The following AACS variants were observed in gnomAD, a reference collection of about 807,000 sequenced individuals.
AACS encodes acetoacetate-CoA ligase.
AACS carries 69 observed loss-of-function variants against 83.1 expected under a neutral mutation model. That is an observed-to-expected ratio of 0.83 (90% CI 0.68 to 1.01). The LOEUF is 1.01. AACS is among the 50% of genes least tolerant of loss of function. The pLI, the probability that AACS is intolerant of heterozygous loss-of-function variation, is 0.00. For missense variants in AACS, 866 were observed against 882.2 expected (o/e 0.98, Z 0.23); for synonymous variants, 333 against 343.4 (o/e 0.97, Z 0.33).
intron 9 of AACS, chr12:125,117,904 A>C (rs1345071312): frequency 6.6e-6 from 1 of 151,232 alleles, no homozygotes; most frequent in Non-Finnish European, 1.5e-5. Flanking sequence ...GGATTACTTG[A>C]GGTTAGGAGG....
At chr12:125,071,385 G>A (rs1594566417) in intron 1 of AACS, among the ~76,000 whole-genome samples, 1 of 152,220 alleles carries the variant, frequency 6.6e-6, no homozygotes, top group Non-Finnish European at 1.5e-5. Context: ...ATTACTGGCT[G>A]ATGACCACAG....
rs540635752 is a variant in AACS, at chr12:125,128,381, C to T, written c.1423+107C>T. On this transcript the variant is annotated intron_variant, in intron 13 of 17. Coordinates refer to ENST00000316519, the MANE Select transcript of AACS (RefSeq NM_023928.5). ...GGACATAGTTCTCCAAAACAGCCCTCGGAGGGGAGGCCCCTGTCACTTGCA... is the reference window on the plus strand; with the variant it reads ...GGACATAGTTCTCCAAAACAGCCCTTGGAGGGGAGGCCCCTGTCACTTGCA... The T allele has an allele frequency of 3.4e-4, 334 of 970,992 alleles. 3 individuals carry two copies. The South Asian group carries it at 4.4e-3, about 13-fold the overall frequency. 60.1% of individuals were successfully genotyped at this position (970,992 alleles called of 1,614,324 possible). A position where few individuals can be genotyped will look rare whatever the true frequency, so the allele number is the denominator to read the frequency against.
At chr12:125,112,373 C>T (rs575821105) in intron 8 of AACS, among the ~76,000 whole-genome samples, 23 of 152,216 alleles carry the variant, frequency 1.5e-4, no homozygotes, top group Non-Finnish European at 2.8e-4. Context: ...AGTCTGTTTT[C>T]ATGCTGCTGA....
chr12:125,096,760 AC>A (rs994191487), intron 5 of AACS, among the ~76,000 whole-genome samples: 2 of 152,096 alleles, frequency 1.3e-5, no homozygotes, highest in East Asian at 3.9e-4. Context: ...AGTTAAGTGG[AC>A]GTGGTGTCTT....
At chr12:125,104,004 A>AG in intron 7 of AACS, among the ~76,000 whole-genome samples, 1 of 138,444 alleles carries the variant, frequency 7.2e-6, no homozygotes, top group East Asian at 2.4e-4. Flanking sequence ...AAAAAAAAAA[A>AG]AAAAAAAAAA....
rs547934016 is a variant in AACS at position 125,097,698 on chromosome 12, T to C, written c.571-4981T>C. Among the ~76,000 whole-genome samples the C allele has an allele frequency of 6.6e-6, 1 of 152,112 alleles. No homozygotes were observed. Among genetic ancestry groups the C allele is most frequent in the Non-Finnish European group, 1.5e-5 (1 of 68,016 alleles). On this transcript the variant is annotated intron_variant, in intron 5 of 17. Coordinates refer to ENST00000316519, the MANE Select transcript of AACS (RefSeq NM_023928.5). This position sits in a 1 kb window ranked among gnomAD's most constrained non-coding sequence, Gnocchi z 4.3. Reference sequence around the variant, plus strand: ...TTCAGCCTTCCTTCCCCCTGTCCAGTCAGCACTGGCGGGGCTGCCAGAAGT... The same window carrying C: ...TTCAGCCTTCCTTCCCCCTGTCCAGCCAGCACTGGCGGGGCTGCCAGAAGT...
chr12:125,095,176 A>G (rs1373983790), intron 5 of AACS, among the ~76,000 whole-genome samples: 2 of 152,204 alleles, frequency 1.3e-5, no homozygotes, highest in African/African-American at 4.8e-5. Context: ...TTGTTGCAAC[A>G]TGAAAGCTGT....
At chr12:125,115,882 T>A (rs539741766) in intron 9 of AACS, among the ~76,000 whole-genome samples, 141 of 152,000 alleles carry the variant, frequency 9.3e-4, no homozygotes, top group Middle Eastern at 6.8e-3. Context: ...GTCAGACCCC[T>A]GAGACCTCAC....
At position 125,107,282 on chromosome 12, in the gene AACS, G is replaced by T; in HGVS notation, c.915+14G>T. Reference sequence around the variant, plus strand: ...CATTCCGCTGGGGTAGGTCTCTGGGGAAGGCTCTGCAGGGCCTCCTGTTGT... The same window carrying T: ...CATTCCGCTGGGGTAGGTCTCTGGGTAAGGCTCTGCAGGGCCTCCTGTTGT... On this transcript the variant is annotated intron_variant, in intron 8 of 17. Coordinates refer to ENST00000316519, the MANE Select transcript of AACS (RefSeq NM_023928.5). 1 of 1,612,328 alleles carries T rather than the reference G, an allele frequency of 6.2e-7. No individual in the cohort carries two copies. Among genetic ancestry groups the T allele is most frequent in the Non-Finnish European group, 8.5e-7 (1 of 1,179,454 alleles).
At chr12:125,136,519 CTGGG>C in intron 16 of AACS, 139 bp from the exon 17 acceptor site, 1 of 637,908 alleles carries the variant, frequency 1.6e-6, no homozygotes, top group Non-Finnish European at 2.7e-6. Flanking sequence ...GGCCCTTCTC[CTGGG>C]TGGACTGGGA....
intron 3 of AACS, among the ~76,000 whole-genome samples, chr12:125,084,684 T>C (rs1029355243): frequency 2.6e-5 from 4 of 151,994 alleles, no homozygotes; most frequent in Admixed American, 6.6e-5. Context: ...GCTCAGGTGA[T>C]CCTCCCACTT....
At position 125,065,656 on chromosome 12, in the gene AACS, G is replaced by C; in HGVS notation, c.72G>C (p.Lys24Asn). The C allele has an allele frequency of 6.5e-7, 1 of 1,547,084 alleles. No individual in the cohort carries two copies. The highest frequency in any genetic ancestry group is 8.7e-7 in the Non-Finnish European group (1 of 1,145,032). ...AGGTGATGTGGGAGCCTGACAGTAAGAAGAACACGCAGATGGACCGCTTCC... is the reference window on the plus strand; with the variant it reads ...AGGTGATGTGGGAGCCTGACAGTAACAAGAACACGCAGATGGACCGCTTCC... ...ECQVMWEPDSKKNTQMDRFRA... is the reference protein window; with the variant it reads ...ECQVMWEPDSNKNTQMDRFRA... The change falls in exon 1 of 18, where the codon AAG becomes AAC. Residue 24 changes from lysine to asparagine, a missense_variant. Coordinates refer to ENST00000316519, the MANE Select transcript of AACS (RefSeq NM_023928.5).
chr12:125,112,852 A>G (rs373736610), intron 8 of AACS, among the ~76,000 whole-genome samples: 73 of 152,266 alleles, frequency 4.8e-4, no homozygotes, highest in African/African-American at 1.6e-3. Context: ...ACCAAATGAA[A>G]TGGGCTTCCC....
intron 17 of AACS, among the ~76,000 whole-genome samples, chr12:125,137,553 A>G (rs1302988697): frequency 6.6e-6 from 1 of 152,194 alleles, no homozygotes; most frequent in African/African-American, 2.4e-5. Context: ...GCTGGTACAG[A>G]CAAGACTTGA....
chr12:125,077,509 C>CAAA (rs34406989), intron 3 of AACS, among the ~76,000 whole-genome samples: 7 of 69,714 alleles, frequency 1.0e-4, no homozygotes, highest in Non-Finnish European at 1.7e-4. Context: ...GACTCTGTCT[C>CAAA]AAAAAAAAAA....
Position 125,107,120 on chromosome 12 carries a change from G to T in AACS, c.768-1G>T. On this transcript the variant is annotated splice_acceptor_variant, in intron 7 of 17. Transcript: ENST00000316519. LOFTEE classifies it high-confidence loss of function. ...GTGTTTCCCTGCGTTTCGGCCCACA[G>T]TGTGTTTCTGGATGACTTTCTTGCC... 6.2e-7 allele frequency: 1 copy of T among 1,614,170 alleles called. No homozygotes were observed. The highest frequency in any genetic ancestry group is 8.5e-7 in the Non-Finnish European group (1 of 1,180,040).
chr12:125,106,625 C>T (rs1448386193), intron 7 of AACS, among the ~76,000 whole-genome samples: 5 of 152,330 alleles, frequency 3.3e-5, no homozygotes, highest in Non-Finnish European at 7.3e-5. Context: ...CTTCTCCCCA[C>T]GGGGGAAGCA....
At chr12:125,107,894 C>T (rs765724299) in intron 8 of AACS, among the ~76,000 whole-genome samples, 4 of 152,236 alleles carry the variant, frequency 2.6e-5, no homozygotes, top group African/African-American at 7.2e-5. Flanking sequence ...ACCCAGGGGG[C>T]GGAGGTTGCA....
In AACS at chr12:125,102,929, G is replaced by A. The variant is rs536764627; in HGVS notation, c.686-71G>A. 51 of 1,480,944 alleles carry A rather than the reference G, an allele frequency of 3.4e-5. No homozygotes were observed. The East Asian group carries it at 1.1e-3, about 31-fold the overall frequency. 91.7% of individuals were successfully genotyped at this position (1,480,944 alleles called of 1,614,324 possible). A position where few individuals can be genotyped will look rare whatever the true frequency, so the allele number is the denominator to read the frequency against. ...TCTGCCCCAGATTGTGTTATATTTT[G>A]TGGAAAAAAAAAAAAGCAGCCAAGC... On this transcript the variant is annotated intron_variant, in intron 6 of 17. Coordinates refer to ENST00000316519, the MANE Select transcript of AACS (RefSeq NM_023928.5).
Sources: gnomAD v4.1 joint callset for allele counts (sites outside exome capture counted in the v4.1 genomes callset) on GRCh38, gnomAD v4.1.1 for gene constraint, Gnocchi (gnomAD v3.1) non-coding constraint, MANE v1.5 for transcripts, NCBI Gene and HGNC (gene_info 2026-07-23, HGNC 2026-07-21) for gene names.